GUSB: variants seen among roughly 807,000 people sequenced by gnomAD.
GUSB encodes the protein beta-glucuronidase.
GUSB carries 51 observed loss-of-function variants against 74.6 expected under a neutral mutation model. That is an observed-to-expected ratio of 0.68 (90% CI 0.55 to 0.86). The LOEUF is 0.86. Ranked by LOEUF, GUSB falls within the 40% of genes least tolerant of loss-of-function variation. The probability of loss-of-function intolerance (pLI) is 0.00; values close to 1 mark genes in which losing one functional copy is unlikely to be tolerated. For synonymous variants in GUSB, 360 were observed against 348.3 expected (o/e 1.03, Z -0.37); for missense variants, 736 against 853.7 (o/e 0.86, Z 1.72).
rs764344489 is a variant in GUSB, at chr7:65,970,357, G to C, written c.1401C>G (p.Ile467Met). Residue 467 changes from isoleucine (I) to methionine (M), a missense_variant, in exon 9 of 12, where the codon ATC becomes ATG. By Grantham distance (10) the Ile-to-Met change is conservative. Around this residue, in one of 2 missense-constraint regions of GUSB, gnomAD observed 368 missense variants for 489.9 expected, o/e 0.75. Transcript: ENST00000304895. ...ESAGYYLKMVIAHTKSLDPSR... is the reference protein window; with the variant it reads ...ESAGYYLKMVMAHTKSLDPSR... Reference sequence around the variant, plus strand: ...AGGGGTCCAAGGATTTGGTGTGAGCGATCACCATCCTGTCCACAAAAGGCA... The same window carrying C: ...AGGGGTCCAAGGATTTGGTGTGAGCCATCACCATCCTGTCCACAAAAGGCA... 6.2e-7 allele frequency: 1 copy of C among 1,610,490 alleles called. No homozygotes were observed. Among genetic ancestry groups the C allele is most frequent in the Admixed American group, 1.7e-5 (1 of 59,910 alleles).
In GUSB at chr7:65,974,531, C is replaced by T. The variant is rs767396235; in HGVS notation, c.1239G>A (p.Ala413=). 13 of 1,614,006 alleles carry T rather than the reference C, an allele frequency of 8.1e-6. No homozygotes were observed. The highest frequency in any genetic ancestry group is 3.3e-5 in the South Asian group (3 of 91,088). Reference sequence around the variant, plus strand: ...GGTGCACAGCAGAGACTCACGGCAGCGCCAGGCCCACGCCGGGACACTCAT... The same window carrying T: ...GGTGCACAGCAGAGACTCACGGCAGTGCCAGGCCCACGCCGGGACACTCAT... ...VIDECPGVGL[A]LPQFFNNVSL... is the part of the protein sequence containing the mutation. Residue 413 remains alanine (A), a synonymous_variant, in exon 7 of 12, where the codon GCG becomes GCA. Transcript: ENST00000304895.
intron 5 of GUSB, chr7:65,975,634 C>G (rs1005011095): frequency 2.4e-5 from 5 of 209,864 alleles, no homozygotes; most frequent in Non-Finnish European, 4.8e-5. Flanking sequence ...ATCCACCCAC[C>G]TCAGCCTCCC....
intron 11 of GUSB, among the ~76,000 whole-genome samples, chr7:65,962,173 G>A (rs1790543953): frequency 6.6e-6 from 1 of 152,132 alleles, no homozygotes; most frequent in South Asian, 2.1e-4. Flanking sequence ...GGGAGCCAGG[G>A]TCCTGACCAG....
intron 2 of GUSB, 39 bp downstream of exon 2, chr7:65,980,185 G>GTGCCCCCCC: frequency 2.8e-6 from 2 of 725,274 alleles, no homozygotes; most frequent in Non-Finnish European, 2.4e-6. Context: ...CAGCAGCCGT[G>GTGCCCCCCC]CCCCCCCACC....
intron 8 of GUSB, among the ~76,000 whole-genome samples, chr7:65,973,118 G>T (rs1362380395): frequency 6.6e-6 from 1 of 152,066 alleles, no homozygotes; most frequent in Non-Finnish European, 1.5e-5. Context: ...ATCACTAGAG[G>T]CCAGGAGTTC....
intron 11 of GUSB, chr7:65,964,026 G>T (rs2008188): frequency 2.3e-6 from 1 of 426,604 alleles, no homozygotes. Context: ...CCCGTTTTTC[G>T]TTCCTCCTTG....
Position 65,976,034 on chromosome 7 carries a change from G to A in GUSB, c.893C>T (p.Ala298Val), listed in dbSNP as rs1451709678. 1 of 1,613,574 alleles carries A rather than the reference G, an allele frequency of 6.2e-7. No homozygotes were observed. Among genetic ancestry groups the A allele is most frequent in the Non-Finnish European group, 8.5e-7 (1 of 1,179,968 alleles). The change falls in exon 5 of 12, where the codon GCC (alanine) becomes GTC (valine). Residue 298 changes from alanine (A) to valine (V), a missense_variant. Physicochemically the swap from Ala to Val is moderately conservative, Grantham distance 64. Transcript: ENST00000304895. The stretch of plus-strand genomic sequence containing the variant: ...CATTACCTCCAATGAATACAGATAG[G>A]CAGGGCGTTCGTGCATCAGGTACGG... ...WWPYLMHERP[A>V]YLYSLEVQLT...
intron 10 of GUSB, among the ~76,000 whole-genome samples, chr7:65,966,524 G>A (rs773306866): frequency 6.6e-6 from 1 of 152,178 alleles, no homozygotes; most frequent in Non-Finnish European, 1.5e-5. Flanking sequence ...TGGGCATGGT[G>A]TCTCATGCCT....
chr7:65,961,931 C>T lies in GUSB; in HGVS notation c.1790-868G>A, dbSNP rs555640040. ...GCAGGAGAATCGCTTGAACCCAGGA[C>T]GCAGAGGTTGCAGTGAGCTGAGATT... On this transcript the variant is annotated intron_variant, in intron 11 of 11. Coordinates refer to ENST00000304895, the MANE Select transcript of GUSB (RefSeq NM_000181.4). Among the ~76,000 whole-genome samples the T allele has an allele frequency of 1.7e-3, 259 of 151,538 alleles. 1 individual carries two copies. Among genetic ancestry groups the T allele is most frequent in the Non-Finnish European group, 3.1e-3 (213 of 67,910 alleles).
At position 65,975,081 on chromosome 7, in the gene GUSB, C is replaced by T. The variant is rs767757330; in HGVS notation, c.913-10G>A. ...GTGCAGTCAGCTGCACCTATGACAGCCAAAGCACCAGGTGTGAGCACCCCG... is the reference window on the plus strand; with the variant it reads ...GTGCAGTCAGCTGCACCTATGACAGTCAAAGCACCAGGTGTGAGCACCCCG... On this transcript the variant is annotated splice_polypyrimidine_tract_variant and intron_variant, in intron 5 of 11. Transcript: ENST00000304895. The T allele has an allele frequency of 6.2e-7, 1 of 1,612,728 alleles. No individual in the cohort carries two copies. The highest frequency in any genetic ancestry group is 8.5e-7 in the Non-Finnish European group (1 of 1,179,600).
chr7:65,962,649 G>A (rs1363123450), intron 11 of GUSB, among the ~76,000 whole-genome samples: 1 of 152,056 alleles, frequency 6.6e-6, no homozygotes, highest in African/African-American at 2.4e-5. Flanking sequence ...CAGATGTGCG[G>A]ATCACCTGAG....
rs376196268 is a variant in GUSB at position 65,979,931 on chromosome 7, G to A, written c.397-20C>T. Reference sequence around the variant, plus strand: ...CACCCACTGCAGACACAGGAGATACGGGGAGGGGGCTGCAGGTCAGGGCAT... The same window carrying A: ...CACCCACTGCAGACACAGGAGATACAGGGAGGGGGCTGCAGGTCAGGGCAT... On this transcript the variant is annotated intron_variant, in intron 2 of 11. Transcript: ENST00000304895. 8 of 1,565,818 alleles carry A rather than the reference G, an allele frequency of 5.1e-6. No homozygotes were observed. Among genetic ancestry groups the A allele is most frequent in the African/African-American group, 1.4e-5 (1 of 73,992 alleles).
chr7:65,975,044 C>T lies in GUSB; in HGVS notation c.940G>A (p.Gly314Arg), dbSNP rs1791477038. 6.2e-7 allele frequency: 1 copy of T among 1,613,492 alleles called. No homozygotes were observed. The highest frequency in any genetic ancestry group is 1.7e-5 in the Admixed American group (1 of 59,984). Residue 314 changes from glycine to arginine, a missense_variant, in exon 6 of 12, where the codon GGG (glycine) becomes AGG (arginine). Physicochemically the swap from Gly to Arg is moderately radical, Grantham distance 125. Coordinates refer to ENST00000304895, the MANE Select transcript of GUSB (RefSeq NM_000181.4). ...AGTGTGTAGAAGTCAGACACAGGCC[C>T]CAGTGACGTCTGTGCAGTCAGCTGC... ...EVQLTAQTSL[G>R]PVSDFYTLPV... is the part of the protein sequence containing the mutation.
chr7:65,966,924 G>A (rs1285239049), intron 10 of GUSB, among the ~76,000 whole-genome samples: 1 of 152,074 alleles, frequency 6.6e-6, no homozygotes, highest in Non-Finnish European at 1.5e-5. Context: ...TCTAAAATAT[G>A]AAAATTAAGA....
At chr7:65,961,325 G>A (rs1373542868) in intron 11 of GUSB, among the ~76,000 whole-genome samples, 5 of 151,988 alleles carry the variant, frequency 3.3e-5, no homozygotes, top group African/African-American at 1.2e-4. Flanking sequence ...GTAAAGACAA[G>A]GTCTCATTAT....
intron 10 of GUSB, 73 bp downstream of exon 10, chr7:65,967,658 G>T: frequency 7.9e-7 from 1 of 1,270,004 alleles, no homozygotes; most frequent in South Asian, 1.2e-5. Flanking sequence ...AGTGGGCGCA[G>T]GTCAGGCTGG....
At chr7:65,974,223 A>T in intron 8 of GUSB, 72 bp downstream of exon 8, 8 of 1,470,336 alleles carry the variant, frequency 5.4e-6, no homozygotes, top group Non-Finnish European at 7.6e-6. Context: ...TGAACAGCAC[A>T]TGCCCACCGA....
chr7:65,964,094 T>C (rs560072634), intron 11 of GUSB: 44 of 566,532 alleles, frequency 7.8e-5, no homozygotes, highest in Non-Finnish European at 1.3e-4. Flanking sequence ...TATAGCTGAC[T>C]CTCCTGTTTG....
At chr7:65,981,761 A>T in intron 1 of GUSB, 1 of 536,202 alleles carries the variant, frequency 1.9e-6, no homozygotes, top group South Asian at 2.6e-5. Context: ...GCTCGGCAAG[A>T]GCCTTTTCTC....
Sources: gnomAD v4.1 joint callset for allele counts (sites outside exome capture counted in the v4.1 genomes callset) on GRCh38, gnomAD v4.1.1 for gene constraint, gnomAD v4.1.1 regional missense constraint, MANE v1.5 for transcripts, NCBI Gene and HGNC (gene_info 2026-07-23, HGNC 2026-07-21) for gene names.